The following EIF2B5 variants were observed in gnomAD, a reference collection of about 807,000 sequenced individuals.
EIF2B5 encodes the protein translation initiation factor eIF2B subunit epsilon.
Under a neutral mutation model 87.3 loss-of-function variants are expected in EIF2B5, and 38 were observed. That is an observed-to-expected ratio of 0.44 (90% CI 0.34 to 0.57). The LOEUF is 0.57. Ranked by LOEUF, EIF2B5 falls within the 20% of genes least tolerant of loss-of-function variation. The probability of loss-of-function intolerance (pLI) is 0.02; values close to 1 mark genes in which losing one functional copy is unlikely to be tolerated. For missense variants in EIF2B5, 784 were observed against 909.5 expected (o/e 0.86, Z 1.78); for synonymous variants, 313 against 339.6 (o/e 0.92, Z 0.86).
chr3:184,140,432 G>T lies in EIF2B5; in HGVS notation c.858G>T (p.Gln286His). Reference protein sequence around the residue: ...LLVNEEILGNQIHMHVTAKEY... With the variant: ...LLVNEEILGNHIHMHVTAKEY... The stretch of plus-strand genomic sequence containing the variant: ...TTCTCATTCAGATCCTAGGGAACCA[G>T]ATCCACATGCACGTAACAGCTAAGG... The change falls in exon 7 of 16, where the codon CAG becomes CAT. Residue 286 changes from glutamine to histidine, a missense_variant. By Grantham distance (24) the Gln-to-His change is conservative. Around this residue, in one of 3 missense-constraint regions of EIF2B5, gnomAD observed 660 missense variants for 789.5 expected, o/e 0.84. Coordinates refer to ENST00000648915, the MANE Select transcript of EIF2B5 (RefSeq NM_003907.3). 1 of 1,614,120 alleles carries T rather than the reference G, an allele frequency of 6.2e-7. No individual in the cohort carries two copies.
At chr3:184,139,051 C>G (rs964902097) in intron 5 of EIF2B5, 5 of 175,718 alleles carry the variant, frequency 2.8e-5, no homozygotes, top group Non-Finnish European at 6.2e-5. Context: ...CTTACTGCAG[C>G]CTCCACCTCC....
chr3:184,137,308 CG>C, intron 2 of EIF2B5: 1 of 459,160 alleles, frequency 2.2e-6, no homozygotes, highest in Admixed American at 3.4e-5. Flanking sequence ...TGACGTGAAG[CG>C]TGTTCCCAGG....
At chr3:184,144,562 A>C (rs1713779555) in intron 14 of EIF2B5, 35 bp from the exon 15 acceptor site, 2 of 1,591,530 alleles carry the variant, frequency 1.3e-6, no homozygotes, top group Non-Finnish European at 1.7e-6. Context: ...GGACTTTCCA[A>C]GGCCCCTGAG....
rs1196978595 is a variant in EIF2B5 at position 184,139,270 on chromosome 3, A to ATTTT, written c.766-785_766-782dup. On this transcript the variant is annotated intron_variant, in intron 5 of 15. Coordinates refer to ENST00000648915, the MANE Select transcript of EIF2B5 (RefSeq NM_003907.3). ...ACAGGTGTGAGCCTCTGCACCCAGC[A>ATTTT]TTTTTTTTTTTTTTTTTTTTTTTTT... 8.5e-4 allele frequency among the ~76,000 whole-genome samples: 41 copies of ATTTT among 48,020 alleles called. 5 individuals are homozygous for ATTTT. Among genetic ancestry groups the ATTTT allele is most frequent in the African/African-American group, 2.3e-3 (25 of 10,794 alleles). 31.5% of individuals were successfully genotyped at this position (48,020 alleles called of 152,430 possible).
At chr3:184,140,830 C>A in intron 7 of EIF2B5, 100 bp downstream of exon 7, 1 of 1,379,380 alleles carries the variant, frequency 7.2e-7, no homozygotes, top group Non-Finnish European at 1.0e-6. Context: ...AGGGACAGTC[C>A]CTGGGAATAA....
At position 184,137,559 on chromosome 3, in the gene EIF2B5, G is replaced by T; in HGVS notation, c.321-61G>T. 3 of 1,569,104 alleles carry T rather than the reference G, an allele frequency of 1.9e-6. No homozygotes were observed. In the South Asian group the frequency reaches 3.3e-5, roughly 17 times the overall value. On this transcript the variant is annotated intron_variant, in intron 2 of 15. Transcript: ENST00000648915. ...AGTGCTGAAAGGGGGTGAAAAATGG[G>T]GAAGGCTCAAATGATCTTTATGCTT...
At chr3:184,141,773 G>A (rs760044998) in intron 7 of EIF2B5, 152 bp from the exon 8 acceptor site, 10 of 895,046 alleles carry the variant, frequency 1.1e-5, no homozygotes, top group African/African-American at 1.6e-5. Context: ...CCTGGGCTTA[G>A]GGGGTGAGTG....
At position 184,142,781 on chromosome 3, in the gene EIF2B5, C is replaced by A; in HGVS notation, c.1549C>A (p.Leu517Ile). The A allele has an allele frequency of 6.2e-7, 1 of 1,613,536 alleles. No homozygotes were observed. The highest frequency in any genetic ancestry group is 2.2e-5 in the East Asian group (1 of 44,874). Residue 517 changes from leucine (L) to isoleucine (I), a missense_variant and splice_region_variant, in exon 11 of 16, where the codon CTC (leucine) becomes ATC (isoleucine). This residue lies in a region of EIF2B5 where 660 missense variants were observed against 789.5 expected (regional missense o/e 0.84). Coordinates refer to ENST00000648915, the MANE Select transcript of EIF2B5 (RefSeq NM_003907.3). This position sits in a 1 kb window ranked among gnomAD's most constrained non-coding sequence, Gnocchi z 5.0. ...CCTCACCCATTATGGCTTCTCAGGA[C>A]TCAAGATCAACATGGAAGAAGAGAG... ...EEELQQNLWG[L>I]KINMEEESES...
intron 12 of EIF2B5, 37 bp from the exon 13 acceptor site, chr3:184,143,405 C>T: frequency 1.2e-6 from 2 of 1,614,052 alleles, no homozygotes; most frequent in East Asian, 4.5e-5. Context: ...GCTGAAAGGC[C>T]AGTGAAGGCC....
At position 184,135,507 on chromosome 3, in the gene EIF2B5, C is replaced by T. The variant is rs1419696121; in HGVS notation, c.122C>T (p.Pro41Leu). The T allele has an allele frequency of 6.3e-7, 1 of 1,584,440 alleles. No homozygotes were observed. The highest frequency in any genetic ancestry group is 8.6e-7 in the Non-Finnish European group (1 of 1,166,346). The change falls in exon 1 of 16, where the codon CCG (proline) becomes CTG (leucine). Residue 41 changes from proline to leucine, a missense_variant. Coordinates refer to ENST00000648915, the MANE Select transcript of EIF2B5 (RefSeq NM_003907.3). ...AGAGGGGCGGAGGAGGAACCGCCGC[C>T]GCCCCTACAAGCAGTTCTGGTGGCC... The part of the protein sequence containing the change: ...GARGAEEEPP[P>L]PLQAVLVADS...
rs772606942 is a variant in EIF2B5, at chr3:184,144,711, C to T, written c.2106+4C>T. 14 of 1,612,308 alleles carry T rather than the reference C, an allele frequency of 8.7e-6. No individual in the cohort carries two copies. Among genetic ancestry groups the T allele is most frequent in the East Asian group, 2.2e-5 (1 of 44,862 alleles). On this transcript the variant is annotated splice_donor_region_variant and intron_variant, in intron 15 of 15. Coordinates refer to ENST00000648915, the MANE Select transcript of EIF2B5 (RefSeq NM_003907.3). ...GCAGTTGCGCAAGAATCAACAGGTG[C>T]GTCAGGCTGTCCTCCTCTCGCCAAG...
rs1486586772 is a variant in EIF2B5, at chr3:184,142,736, A to G, written c.1547-43A>G. 3 of 1,590,226 alleles carry G rather than the reference A, an allele frequency of 1.9e-6. No homozygotes were observed. Among genetic ancestry groups the G allele is most frequent in the African/African-American group, 1.3e-5 (1 of 74,632 alleles). ...AGGGCAGGTATATTGCTCTCTGTCA[A>G]TGACTCTTTTTTTCTTTTTCCTCAC... On this transcript the variant is annotated intron_variant, in intron 10 of 15. Coordinates refer to ENST00000648915, the MANE Select transcript of EIF2B5 (RefSeq NM_003907.3). This position sits in a 1 kb window ranked among gnomAD's most constrained non-coding sequence, Gnocchi z 5.0.
chr3:184,140,234 CTT>C (rs755766436), intron 6 of EIF2B5, 77 bp downstream of exon 6: 20 of 1,509,750 alleles, frequency 1.3e-5, no homozygotes, highest in Non-Finnish European at 1.7e-5. Flanking sequence ...AACTTTTGAT[CTT>C]TTTTGTATTT....
intron 5 of EIF2B5, among the ~76,000 whole-genome samples, chr3:184,139,756 G>C (rs1198090625): frequency 1.3e-5 from 2 of 151,384 alleles, no homozygotes; most frequent in South Asian, 2.1e-4. Context: ...GGTGGCTCAC[G>C]CTTGTAATCC....
chr3:184,137,261 G>A lies in EIF2B5; in HGVS notation c.321-359G>A. On this transcript the variant is annotated intron_variant, in intron 2 of 15. Transcript: ENST00000648915. The stretch of plus-strand genomic sequence containing the variant: ...ACATTAGCATGGTCTCCATCAGACA[G>A]TTCCTAAATGTTATATGGATTGCAG... The A allele has an allele frequency of 1.5e-5, 6 of 394,574 alleles. 1 individual carries two copies. Among genetic ancestry groups the A allele is most frequent in the South Asian group, 1.3e-4 (6 of 45,300 alleles). 24.4% of individuals were successfully genotyped at this position (394,574 alleles called of 1,614,324 possible).
At position 184,144,704 on chromosome 3, in the gene EIF2B5, A is replaced by G. The variant is rs1457809370; in HGVS notation, c.2103A>G (p.Gln701=). The change falls in exon 15 of 16, where the codon CAA becomes CAG. Residue 701 remains glutamine (Q), a synonymous_variant. Coordinates refer to ENST00000648915, the MANE Select transcript of EIF2B5 (RefSeq NM_003907.3). ...TDKGQQLRKN[Q]QLQRFIQWLK... Reference sequence around the variant, plus strand: ...AGGGCCAGCAGTTGCGCAAGAATCAACAGGTGCGTCAGGCTGTCCTCCTCT... The same window carrying G: ...AGGGCCAGCAGTTGCGCAAGAATCAGCAGGTGCGTCAGGCTGTCCTCCTCT... The G allele has an allele frequency of 3.7e-6, 6 of 1,613,468 alleles. No individual in the cohort carries two copies. The highest frequency in any genetic ancestry group is 5.1e-6 in the Non-Finnish European group (6 of 1,179,798).
rs1473445367 is a variant in EIF2B5, at chr3:184,142,623, T to A, written c.1546+20T>A. 6.2e-7 allele frequency: 1 copy of A among 1,608,232 alleles called. No homozygotes were observed. On this transcript the variant is annotated intron_variant, in intron 10 of 15. Coordinates refer to ENST00000648915, the MANE Select transcript of EIF2B5 (RefSeq NM_003907.3). The surrounding 1 kb of genome is among the most constrained non-coding windows in gnomAD (Gnocchi z 5.0). ...TGTGGGGTGAGCTAGGCCTGATGCCTGCCCTTCTCCTCCTGAATCGGAATA... is the reference window on the plus strand; with the variant it reads ...TGTGGGGTGAGCTAGGCCTGATGCCAGCCCTTCTCCTCCTGAATCGGAATA...
intron 13 of EIF2B5, 49 bp downstream of exon 13, chr3:184,143,614 A>C (rs1158317664): frequency 5.6e-6 from 9 of 1,613,760 alleles, no homozygotes; most frequent in Non-Finnish European, 6.8e-6. Flanking sequence ...CAGGCAAAGG[A>C]AATCAGGAGT....
intron 5 of EIF2B5, among the ~76,000 whole-genome samples, chr3:184,138,552 AC>A (rs1175782326): frequency 5.3e-5 from 8 of 151,696 alleles, no homozygotes; most frequent in Non-Finnish European, 1.0e-4. Flanking sequence ...ATGGGGTTTC[AC>A]CATGTTGGCC....
Sources: allele counts gnomAD v4.1 joint callset (sites outside exome capture counted in the v4.1 genomes callset), GRCh38; gene constraint gnomAD v4.1.1; regional missense constraint gnomAD v4.1.1; non-coding constraint Gnocchi (gnomAD v3.1); transcripts MANE v1.5; gene names NCBI Gene and HGNC (gene_info 2026-07-23, HGNC 2026-07-21).